Variants in AUTS2 observed in about 807,000 individuals in gnomAD.
AUTS2 encodes the protein activator of transcription and developmental regulator AUTS2.
AUTS2 carries 17 observed loss-of-function variants against 112.4 expected under a neutral mutation model. The observed-to-expected ratio is 0.15, with a 90% CI of 0.10 to 0.23. The LOEUF is 0.23. AUTS2 is among the 10% of genes least tolerant of loss of function. AUTS2 has a pLI of 1.00. For missense variants in AUTS2, 1,510 were observed against 1,701.6 expected, an observed-to-expected ratio of 0.89 and a Z score of 1.98; for synonymous variants, 751 against 702.7, an observed-to-expected ratio of 1.07 and a Z score of -1.09.
Position 70,772,131 on chromosome 7 carries a change from C to T in AUTS2, c.1830+487C>T, listed in dbSNP as rs544202280. 1.3e-4 allele frequency among the ~76,000 whole-genome samples: 20 copies of T among 152,252 alleles called. No homozygotes were observed. The South Asian group carries it at 2.3e-3, about 17-fold the overall frequency. ...CCCTCATTTCCCTCGCCAACCCCAT[C>T]GGCTGCAAACAGGGCCTGCCGGCAG... On this transcript the variant is annotated intron_variant, in intron 11 of 18. Coordinates refer to ENST00000342771, the MANE Select transcript of AUTS2 (RefSeq NM_015570.4).
At chr7:70,595,454 A>G (rs969658023) in intron 5 of AUTS2, among the ~76,000 whole-genome samples, 5 of 150,490 alleles carry the variant, frequency 3.3e-5, no homozygotes, top group African/African-American at 1.2e-4. Flanking sequence ...TGATTTACTG[A>G]CCTCTCGGGT....
intron 4 of AUTS2, among the ~76,000 whole-genome samples, chr7:70,298,005 G>A (rs538999615): frequency 6.6e-6 from 1 of 152,064 alleles, no homozygotes; most frequent in African/African-American, 2.4e-5. Context: ...AAAACCCAAA[G>A]CCTCTTTTTT....
At chr7:69,625,950 C>T (rs1380860215) in intron 1 of AUTS2, among the ~76,000 whole-genome samples, 1 of 152,102 alleles carries the variant, frequency 6.6e-6, no homozygotes, top group Non-Finnish European at 1.5e-5. Flanking sequence ...GTAGAGAAGA[C>T]TCTATGAACA....
At chr7:70,144,413 G>C (rs1431689856) in intron 4 of AUTS2, among the ~76,000 whole-genome samples, 1 of 151,998 alleles carries the variant, frequency 6.6e-6, no homozygotes, top group Non-Finnish European at 1.5e-5. Context: ...TTAGTACTAG[G>C]ACATTCTGGG....
chr7:70,160,279 T>C lies in AUTS2; in HGVS notation c.660+25708T>C, dbSNP rs546722951. Among the ~76,000 whole-genome samples the C allele has an allele frequency of 6.2e-4, 95 of 152,258 alleles. 2 individuals are homozygous for C. Among genetic ancestry groups the C allele is most frequent in the Middle Eastern group, 3.4e-3 (1 of 294 alleles). On this transcript the variant is annotated intron_variant, in intron 4 of 18. Coordinates refer to ENST00000342771, the MANE Select transcript of AUTS2 (RefSeq NM_015570.4). ...TAGCTGCTGAAATACCTGAGAAAGG[T>C]AGCTTACCATATAAAGAAAGACAGC...
chr7:70,579,374 A>AATGAAAT (rs1167167586), intron 5 of AUTS2, among the ~76,000 whole-genome samples: 1 of 152,024 alleles, frequency 6.6e-6, no homozygotes, highest in East Asian at 1.9e-4. Context: ...TAATAATTCA[A>AATGAAAT]ATGAAATTGA....
intron 1 of AUTS2, among the ~76,000 whole-genome samples, chr7:69,614,368 T>TCTTTCTTTTCTTTC (rs1474509971): frequency 6.1e-4 from 12 of 19,522 alleles, no homozygotes; most frequent in African/African-American, 7.6e-4. Context: ...TTCTTTCTTT[T>TCTTTCTTTTCTTTC]TTTAAGAGAT....
intron 1 of AUTS2, among the ~76,000 whole-genome samples, chr7:69,611,962 A>T (rs1299725650): frequency 2.0e-5 from 3 of 151,284 alleles, no homozygotes; most frequent in African/African-American, 7.3e-5. Context: ...AAAAAATTGT[A>T]AATTATTTTG....
chr7:70,639,213 A>G (rs1040772865), intron 5 of AUTS2, among the ~76,000 whole-genome samples: 3 of 152,192 alleles, frequency 2.0e-5, no homozygotes, highest in Non-Finnish European at 4.4e-5. Context: ...TAGCCTTCTC[A>G]CTAGACGAAA....
chr7:70,589,832 G>C (rs1483647690), intron 5 of AUTS2, among the ~76,000 whole-genome samples: 1 of 152,206 alleles, frequency 6.6e-6, no homozygotes, highest in East Asian at 1.9e-4. Flanking sequence ...GGGGAAGGTT[G>C]AGACCAGGTT....
chr7:69,790,089 T>G (rs1262577135), intron 1 of AUTS2, among the ~76,000 whole-genome samples: 6 of 151,856 alleles, frequency 4.0e-5, no homozygotes, highest in African/African-American at 1.2e-4. Context: ...AAGACTAGCC[T>G]GGGCAAAATA....
chr7:69,836,451 T>C (rs996993235), intron 1 of AUTS2, among the ~76,000 whole-genome samples: 3 of 152,228 alleles, frequency 2.0e-5, no homozygotes, highest in African/African-American at 7.2e-5. Context: ...GAAGAATTCA[T>C]GTAAGTTGAA....
intron 1 of AUTS2, among the ~76,000 whole-genome samples, chr7:69,856,726 A>G (rs1292679557): frequency 6.6e-6 from 1 of 152,198 alleles, no homozygotes; most frequent in African/African-American, 2.4e-5. Context: ...TGTGTGTGAG[A>G]GAGTTTTCTG....
At chr7:70,137,122 T>C (rs1048885337) in intron 4 of AUTS2, among the ~76,000 whole-genome samples, 1 of 152,250 alleles carries the variant, frequency 6.6e-6, no homozygotes, top group African/African-American at 2.4e-5. Flanking sequence ...GTTCCAAAGA[T>C]GTCTGCTTAG....
At chr7:70,455,060 C>T (rs1796679663) in intron 5 of AUTS2, among the ~76,000 whole-genome samples, 1 of 152,212 alleles carries the variant, frequency 6.6e-6, no homozygotes, top group South Asian at 2.1e-4. Context: ...ACACAGACTT[C>T]CACATACCCA....
chr7:69,820,047 C>T (rs551267379), intron 1 of AUTS2, among the ~76,000 whole-genome samples: 1 of 152,308 alleles, frequency 6.6e-6, no homozygotes, highest in South Asian at 2.1e-4. Flanking sequence ...TGCTGCATTT[C>T]ATGGAGTTTA....
intron 6 of AUTS2, among the ~76,000 whole-genome samples, chr7:70,721,562 T>C (rs534912924): frequency 5.9e-5 from 9 of 152,272 alleles, no homozygotes; most frequent in African/African-American, 1.9e-4. Flanking sequence ...CTTTTGTCAA[T>C]TTATCCAGTG....
intron 2 of AUTS2, among the ~76,000 whole-genome samples, chr7:70,047,234 T>C (rs1191940275): frequency 1.3e-5 from 2 of 152,234 alleles, no homozygotes; most frequent in African/African-American, 2.4e-5. Context: ...TGTAAAAGTT[T>C]ATAATTTTAA....
At chr7:69,966,431 C>A (rs930117639) in intron 2 of AUTS2, among the ~76,000 whole-genome samples, 2 of 152,124 alleles carry the variant, frequency 1.3e-5, no homozygotes, top group Admixed American at 1.3e-4. Flanking sequence ...ATATTTCAGA[C>A]CTTTTTGGAC....
Sources: gnomAD v4.1 joint callset for allele counts (sites outside exome capture counted in the v4.1 genomes callset) on GRCh38, gnomAD v4.1.1 for gene constraint, MANE v1.5 for transcripts, NCBI Gene and HGNC (gene_info 2026-07-23, HGNC 2026-07-21) for gene names.